SLC39A11: variants seen among roughly 807,000 people sequenced by gnomAD.
SLC39A11 encodes the protein zinc transporter ZIP11.
In SLC39A11, 33 loss-of-function variants were observed where a neutral mutation model predicts 36.1. The ratio of observed to expected loss-of-function variants is 0.91; its 90% CI spans 0.69 to 1.22. SLC39A11 has a LOEUF of 1.22. Ranked by LOEUF, SLC39A11 falls within the 50% of genes most tolerant of loss-of-function variation. The pLI is 0.00. For missense variants in SLC39A11, 432 were observed against 430.3 expected (o/e 1.00, Z -0.03); for synonymous variants, 166 against 170.3 (o/e 0.97, Z 0.20).
chr17:72,897,741 G>A (rs1051664190), intron 5 of SLC39A11, among the ~76,000 whole-genome samples: 1 of 152,154 alleles, frequency 6.6e-6, no homozygotes, highest in African/African-American at 2.4e-5. Context: ...CTGCATGCCT[G>A]TGCCTATTAG....
intron 7 of SLC39A11, among the ~76,000 whole-genome samples, chr17:72,722,689 C>T (rs970095226): frequency 1.3e-5 from 2 of 151,808 alleles, no homozygotes; most frequent in South Asian, 2.1e-4. Context: ...GGCTGGAGTA[C>T]AATGGCACGA....
chr17:72,777,359 C>T (rs559096663), intron 6 of SLC39A11, among the ~76,000 whole-genome samples: 1 of 152,032 alleles, frequency 6.6e-6, no homozygotes, highest in Non-Finnish European at 1.5e-5. Flanking sequence ...TGACCAGTAT[C>T]CCCCCAAAAT....
In SLC39A11 at chr17:72,835,640, T is replaced by C. The variant is rs1345158047; in HGVS notation, c.601+13994A>G. Among the ~76,000 whole-genome samples the C allele has an allele frequency of 3.3e-5, 5 of 152,308 alleles. No individual in the cohort carries two copies. In the East Asian group the frequency reaches 9.7e-4, roughly 29 times the overall value. On this transcript the variant is annotated intron_variant, in intron 6 of 9. Transcript: ENST00000255559. ...CACGCCCAGCTAATTTTTGTATTTT[T>C]TGTAGAGACGGGGTTCTGCCACGTT...
chr17:72,768,455 T>C (rs1006323318), intron 6 of SLC39A11, among the ~76,000 whole-genome samples: 6 of 152,188 alleles, frequency 3.9e-5, no homozygotes, highest in Non-Finnish European at 8.8e-5. Context: ...GCAGTTTCAA[T>C]GGCACAGGGC....
chr17:72,878,331 C>T (rs1330140008), intron 5 of SLC39A11, among the ~76,000 whole-genome samples: 4 of 152,180 alleles, frequency 2.6e-5, no homozygotes, highest in East Asian at 3.8e-4. Flanking sequence ...TGTTTCACTT[C>T]TCTTGGGGAT....
intron 5 of SLC39A11, among the ~76,000 whole-genome samples, chr17:72,921,033 T>C (rs1483459817): frequency 6.6e-6 from 1 of 152,200 alleles, no homozygotes; most frequent in Non-Finnish European, 1.5e-5. Flanking sequence ...CTTTCATTTC[T>C]TGTTCTTATT....
intron 6 of SLC39A11, among the ~76,000 whole-genome samples, chr17:72,836,453 G>C (rs764882671): frequency 1.9e-4 from 29 of 151,870 alleles, no homozygotes; most frequent in Non-Finnish European, 3.8e-4. Context: ...CGATTCTCCT[G>C]CCTCAGCCTC....
intron 6 of SLC39A11, among the ~76,000 whole-genome samples, chr17:72,760,404 T>C (rs2075533204): frequency 6.6e-6 from 1 of 152,260 alleles, no homozygotes; most frequent in Non-Finnish European, 1.5e-5. Flanking sequence ...AGAGAGCCAG[T>C]ATGATCCATC....
At chr17:72,996,413 T>C (rs1036346327) in intron 4 of SLC39A11, among the ~76,000 whole-genome samples, 1 of 152,156 alleles carries the variant, frequency 6.6e-6, no homozygotes, top group Non-Finnish European at 1.5e-5. Flanking sequence ...ATGACATAAA[T>C]TTATCCTCTA....
intron 9 of SLC39A11, among the ~76,000 whole-genome samples, chr17:72,648,458 T>C (rs1014922021): frequency 2.0e-5 from 3 of 152,054 alleles, no homozygotes; most frequent in Non-Finnish European, 4.4e-5. Context: ...TGTATCACCT[T>C]CACTGACATT....
At chr17:72,723,321 AGTGTGTGT>A (rs10570164) in intron 7 of SLC39A11, among the ~76,000 whole-genome samples, 20 of 148,550 alleles carry the variant, frequency 1.3e-4, no homozygotes, top group Admixed American at 9.4e-4. Context: ...GGAGTGTAAG[AGTGTGTGT>A]GTGTGTGTGT....
At chr17:72,983,602 G>A (rs1401217677) in intron 4 of SLC39A11, among the ~76,000 whole-genome samples, 2 of 152,166 alleles carry the variant, frequency 1.3e-5, no homozygotes, top group Non-Finnish European at 2.9e-5. Flanking sequence ...AAGCACCTCT[G>A]GAAAAATACA....
At chr17:72,986,905 G>A (rs753833087) in intron 4 of SLC39A11, among the ~76,000 whole-genome samples, 23 of 152,182 alleles carry the variant, frequency 1.5e-4, no homozygotes, top group Non-Finnish European at 4.4e-5. Flanking sequence ...AGAAGGGAAA[G>A]AATAAAAGCA....
At chr17:72,907,701 T>C (rs528533017) in intron 5 of SLC39A11, among the ~76,000 whole-genome samples, 2 of 152,096 alleles carry the variant, frequency 1.3e-5, no homozygotes, top group Non-Finnish European at 2.9e-5. Flanking sequence ...TCCATCCCAC[T>C]CCACTCAGGT....
chr17:72,811,625 C>T (rs1037202152), intron 6 of SLC39A11, among the ~76,000 whole-genome samples: 4 of 152,326 alleles, frequency 2.6e-5, no homozygotes, highest in African/African-American at 9.6e-5. Context: ...TTTGAGGAGT[C>T]ACACTTTCTG....
chr17:72,849,647 T>A lies in SLC39A11; in HGVS notation c.588A>T (p.Ile196=), dbSNP rs1472669898. Residue 196 remains isoleucine (I), a synonymous_variant, in exon 6 of 10, where the codon ATA becomes ATT. Coordinates refer to ENST00000255559, the MANE Select transcript of SLC39A11 (RefSeq NM_139177.4). ...RIALLILAIT[I]HNVPEGLAVG... is the part of the protein sequence containing the mutation. Reference sequence around the variant, plus strand: ...GCAAGACCTCACCTGGAACGTTGTGTATAGTGATGGCCAAGATGAGCAGTG... The same window carrying A: ...GCAAGACCTCACCTGGAACGTTGTGAATAGTGATGGCCAAGATGAGCAGTG... The A allele has an allele frequency of 6.4e-7, 1 of 1,571,096 alleles. No individual in the cohort carries two copies. Among genetic ancestry groups the A allele is most frequent in the African/African-American group, 1.4e-5 (1 of 72,884 alleles).
chr17:72,674,421 T>C (rs923163568), intron 7 of SLC39A11, among the ~76,000 whole-genome samples: 3 of 152,220 alleles, frequency 2.0e-5, no homozygotes, highest in Non-Finnish European at 4.4e-5. Flanking sequence ...GTGGCTACAC[T>C]ATAGCTTACT....
chr17:72,993,349 CAG>C (rs1385556522), intron 4 of SLC39A11, among the ~76,000 whole-genome samples: 3 of 152,172 alleles, frequency 2.0e-5, no homozygotes, highest in Non-Finnish European at 4.4e-5. Context: ...TTTGAAAAAA[CAG>C]ATGCCTGGGC....
At chr17:72,743,495 C>T (rs960919923) in intron 6 of SLC39A11, among the ~76,000 whole-genome samples, 6 of 152,092 alleles carry the variant, frequency 3.9e-5, no homozygotes, top group Admixed American at 2.6e-4. Context: ...GTGGCCCTGG[C>T]GGGAGAGAAC....
Sources: gnomAD v4.1 joint callset for allele counts (sites outside exome capture counted in the v4.1 genomes callset) on GRCh38, gnomAD v4.1.1 for gene constraint, MANE v1.5 for transcripts, NCBI Gene and HGNC (gene_info 2026-07-23, HGNC 2026-07-21) for gene names.